The following LGALS9 variants were observed in gnomAD, a reference collection of about 807,000 sequenced individuals.
LGALS9 encodes the protein galectin 9, also known as galectin-9.
A neutral mutation model predicts 35.9 loss-of-function variants in LGALS9; 26 were observed. That is an observed-to-expected ratio of 0.72 (90% CI 0.53 to 1.01). The LOEUF (loss-of-function observed/expected upper bound fraction) is 1.01. Among genes scored for constraint, LGALS9 ranks in the 50% least tolerant of loss-of-function variants. The pLI is 0.00. For synonymous variants in LGALS9, 149 were observed against 172.2 expected, an observed-to-expected ratio of 0.87 and a Z score of 1.06; for missense variants, 347 against 445.8, an observed-to-expected ratio of 0.78 and a Z score of 1.99.
chr17:27,637,314 A>T (rs188948979), intron 1 of LGALS9, among the ~76,000 whole-genome samples: 93 of 152,324 alleles, frequency 6.1e-4, no homozygotes, highest in African/African-American at 1.8e-3. Context: ...ATCATCAATC[A>T]TATGCAGCAG....
At chr17:27,631,982 G>T (rs1203078199) in intron 1 of LGALS9, among the ~76,000 whole-genome samples, 1 of 152,010 alleles carries the variant, frequency 6.6e-6, no homozygotes, top group Non-Finnish European at 1.5e-5. Flanking sequence ...TGAGAGGGGG[G>T]TGAGGACTGT....
chr17:27,636,811 C>T (rs2074457177), intron 1 of LGALS9, among the ~76,000 whole-genome samples: 1 of 151,890 alleles, frequency 6.6e-6, no homozygotes, highest in Non-Finnish European at 1.5e-5. Context: ...AATTTTCCCC[C>T]AAGAAATTAG....
At chr17:27,640,885 A>G (rs185371513) in intron 3 of LGALS9, 112 bp downstream of exon 3, 11 of 1,466,768 alleles carry the variant, frequency 7.5e-6, no homozygotes, top group East Asian at 2.4e-5. Flanking sequence ...ACACCACTAT[A>G]CAGATAACAC....
rs778679416 is a variant in LGALS9, at chr17:27,642,280, G to T, written c.376G>T (p.Val126Leu). The T allele has an allele frequency of 6.2e-7, 1 of 1,612,844 alleles. No individual in the cohort carries two copies. Among genetic ancestry groups the T allele is most frequent in the South Asian group, 1.1e-5 (1 of 91,006 alleles). ...CCTCTTCGTGCAGTACTTCCACCGC[G>T]TGCCCTTCCACCGTGTGGACACCAT... ...GILFVQYFHR[V>L]PFHRVDTISV... Residue 126 changes from valine (V) to leucine (L), a missense_variant, in exon 4 of 11, where the codon GTG becomes TTG. Val to Leu is a conservative substitution (Grantham distance 32, BLOSUM62 1). Transcript: ENST00000395473.
At chr17:27,638,113 T>C (rs1415387429) in intron 1 of LGALS9, 150 bp from the exon 2 acceptor site, 1 of 626,470 alleles carries the variant, frequency 1.6e-6, no homozygotes, top group African/African-American at 1.9e-5. Flanking sequence ...CTAAGACCCG[T>C]GGGGCTGCGA....
chr17:27,646,472 C>G (rs532125761), intron 7 of LGALS9, 75 bp from the exon 8 acceptor site: 32 of 1,606,750 alleles, frequency 2.0e-5, no homozygotes, highest in Admixed American at 3.3e-5. Context: ...CTCTCTAGAA[C>G]GCGTGGGTGC....
chr17:27,639,425 G>T (rs2074491643), intron 2 of LGALS9, among the ~76,000 whole-genome samples: 1 of 152,028 alleles, frequency 6.6e-6, no homozygotes, highest in Non-Finnish European at 1.5e-5. Context: ...ACCTCAGAGG[G>T]CCCTCTCCTC....
chr17:27,637,463 C>T (rs566353436), intron 1 of LGALS9, among the ~76,000 whole-genome samples: 1 of 152,318 alleles, frequency 6.6e-6, no homozygotes, highest in African/African-American at 2.4e-5. Context: ...CGATGCATGC[C>T]TCACCATGGC....
At chr17:27,642,465 C>A (rs1392382740) in intron 4 of LGALS9, 117 bp downstream of exon 4, 1 of 1,433,390 alleles carries the variant, frequency 7.0e-7, no homozygotes. Context: ...ACTCTGGGGA[C>A]AACCTCTGCT....
At position 27,648,970 on chromosome 17, in the gene LGALS9, T is replaced by C. The variant is rs764850933; in HGVS notation, c.1056T>C (p.His352=). The change falls in exon 11 of 11, where the codon CAT becomes CAC. Residue 352 remains histidine, a synonymous_variant. Coordinates refer to ENST00000395473, the MANE Select transcript of LGALS9 (RefSeq NM_009587.3). ...LEVGGDIQLT[H]VQT ...TGGGGGGCGACATCCAGCTGACCCA[T>C]GTGCAGACATAGGCGGCTTCCTGGC... The C allele has an allele frequency of 2.2e-5, 35 of 1,613,802 alleles. 1 individual carries two copies. In the Admixed American group the frequency reaches 2.5e-4, roughly 12 times the overall value.
Position 27,649,352 on chromosome 17 carries a change from G to C in LGALS9, c.*370G>C, listed in dbSNP as rs1253448643. ...CCAAGCCACCAGCTGTCTGCTCCTG[G>C]TGGGAGGTGGCCTCCTCAGCCCCTC... On this transcript the variant is annotated 3_prime_UTR_variant, in exon 11 of 11. Transcript: ENST00000395473. 2 of 349,298 alleles carry C rather than the reference G, an allele frequency of 5.7e-6. No homozygotes were observed. The highest frequency in any genetic ancestry group is 1.1e-5 in the Non-Finnish European group (2 of 180,750). The allele number at this position is 349,298 out of a possible 1,614,324, so 21.6% of individuals were successfully genotyped here. A position where few individuals can be genotyped will look rare whatever the true frequency, so the allele number is the denominator to read the frequency against.
intron 5 of LGALS9, chr17:27,644,887 G>A (rs111256788): frequency 5.2e-4 from 89 of 172,806 alleles, no homozygotes; most frequent in African/African-American, 1.9e-3. Context: ...GAGCCTCGTT[G>A]CCTCACTAGG....
chr17:27,643,720 G>A (rs1904705665), intron 5 of LGALS9, 100 bp downstream of exon 5: 2 of 1,470,000 alleles, frequency 1.4e-6, no homozygotes. Flanking sequence ...AGGGCCTACA[G>A]GCCGCATCTT....
intron 10 of LGALS9, among the ~76,000 whole-genome samples, chr17:27,647,990 G>C (rs1437028051): frequency 6.6e-6 from 1 of 152,268 alleles, no homozygotes; most frequent in Non-Finnish European, 1.5e-5. Context: ...GGTGTGGCCT[G>C]TCCAGGAACA....
intron 1 of LGALS9, among the ~76,000 whole-genome samples, chr17:27,634,300 G>T (rs2074419925): frequency 6.6e-6 from 1 of 152,118 alleles, no homozygotes; most frequent in South Asian, 2.1e-4. Context: ...TATAATCCCA[G>T]CACTTTGAGA....
At position 27,649,063 on chromosome 17, in the gene LGALS9, C is replaced by A; in HGVS notation, c.*81C>A. ...CATCATCCCCACTTCCCAGGCCCAG[C>A]CTTTCCAACCCTGCCTGGGATCTGG... On this transcript the variant is annotated 3_prime_UTR_variant, in exon 11 of 11. Coordinates refer to ENST00000395473, the MANE Select transcript of LGALS9 (RefSeq NM_009587.3). 1.3e-6 allele frequency: 2 copies of A among 1,591,968 alleles called. No individual in the cohort carries two copies. The highest frequency in any genetic ancestry group is 3.4e-5 in the Admixed American group (2 of 59,122).
Position 27,631,294 on chromosome 17 carries a change from A to G in LGALS9, c.29A>G (p.Tyr10Cys). The G allele has an allele frequency of 6.2e-7, 1 of 1,614,112 alleles. No homozygotes were observed. MAFSGSQAP[Y>C]LSPAVPFSGT... ...GCCTTCAGCGGTTCCCAGGCTCCCT[A>G]CCTGAGTCCAGTGAGTTCCAGGGCT... Residue 10 changes from tyrosine to cysteine, a missense_variant, in exon 1 of 11, where the codon TAC becomes TGC. Transcript: ENST00000395473.
Position 27,647,253 on chromosome 17 carries a change from T to C in LGALS9, c.759-17T>C. ...AGAATTCGGTGGATAAAGGTTCAGG[T>C]GGGCTGCCCACCCCAGGTTCCACAT... is the stretch of plus-strand genomic sequence containing the variant. On this transcript the variant is annotated splice_polypyrimidine_tract_variant and intron_variant, in intron 9 of 10. Transcript: ENST00000395473. 1 of 1,613,548 alleles carries C rather than the reference T, an allele frequency of 6.2e-7. No individual in the cohort carries two copies. The highest frequency in any genetic ancestry group is 8.5e-7 in the Non-Finnish European group (1 of 1,180,010).
At chr17:27,640,293 A>G in intron 2 of LGALS9, 1 of 498,806 alleles carries the variant, frequency 2.0e-6, no homozygotes, top group Non-Finnish European at 3.7e-6. Flanking sequence ...ATCACTTTCC[A>G]AGACCTATGT....
Sources: gnomAD v4.1 joint callset for allele counts (sites outside exome capture counted in the v4.1 genomes callset) on GRCh38, gnomAD v4.1.1 for gene constraint, MANE v1.5 for transcripts, NCBI Gene and HGNC (gene_info 2026-07-23, HGNC 2026-07-21) for gene names.